DNAH12: variants seen among roughly 807,000 people sequenced by gnomAD.
DNAH12 encodes dynein axonemal heavy chain 12.
In DNAH12, 285 loss-of-function variants were observed where a neutral mutation model predicts 371.5. The observed-to-expected ratio is 0.77, with a 90% CI of 0.70 to 0.85. DNAH12 has a LOEUF of 0.85. Among genes scored for constraint, DNAH12 ranks in the 40% least tolerant of loss-of-function variants. The pLI is 0.00. For synonymous variants in DNAH12, 1,200 were observed against 1,213.0 expected, an observed-to-expected ratio of 0.99 and a Z score of 0.22; for missense variants, 3,611 against 3,689.4, an observed-to-expected ratio of 0.98 and a Z score of 0.55.
intron 60 of DNAH12, among the ~76,000 whole-genome samples, chr3:57,340,440 C>A (rs1481952490): frequency 5.3e-5 from 8 of 151,604 alleles, no homozygotes; most frequent in African/African-American, 1.9e-4. Flanking sequence ...AAAGAGAAGA[C>A]CCAAATAAAA....
At chr3:57,545,348 G>A (rs1035757685), upstream of DNAH12, among the ~76,000 whole-genome samples, 2 of 149,134 alleles carry the variant, frequency 1.3e-5, no homozygotes, top group African/African-American at 5.0e-5. Flanking sequence ...TAGTAGAGAC[G>A]GGGTTTCTCC....
rs902155403 is a variant in DNAH12 at position 57,509,861 on chromosome 3, T to TAAAAAAAAAAA, written c.470-660_470-650dup. 3.9e-3 allele frequency among the ~76,000 whole-genome samples: 182 copies of TAAAAAAAAAAA among 46,552 alleles called. 3 individuals are homozygous for TAAAAAAAAAAA. The highest frequency in any genetic ancestry group is 4.9e-3 in the Non-Finnish European group (110 of 22,362). 30.5% of individuals were successfully genotyped at this position (46,552 alleles called of 152,430 possible). On this transcript the variant is annotated intron_variant, in intron 5 of 73. Coordinates refer to ENST00000495027, the MANE Select transcript of DNAH12 (RefSeq NM_001366028.2). ...TGGGCGACAGAGTGAGACTCCATCA[T>TAAAAAAAAAAA]AAAAAAAAAAAAAAAAAAAAAAAAA...
intron 4 of DNAH12, among the ~76,000 whole-genome samples, chr3:57,516,971 C>G (rs538728110): frequency 1.3e-5 from 2 of 152,274 alleles, no homozygotes; most frequent in African/African-American, 2.4e-5. Context: ...CCCATGAGCT[C>G]AATCAGCAGC....
chr3:57,533,027 T>C (rs1049065626), intron 2 of DNAH12, among the ~76,000 whole-genome samples: 4 of 152,206 alleles, frequency 2.6e-5, no homozygotes, highest in African/African-American at 7.2e-5. Flanking sequence ...ATACTGCTGC[T>C]GGGCTAGCAC....
chr3:57,442,570 A>G (rs2065341693), intron 29 of DNAH12, among the ~76,000 whole-genome samples: 1 of 152,226 alleles, frequency 6.6e-6, no homozygotes, highest in Non-Finnish European at 1.5e-5. Flanking sequence ...CATTTTTTGA[A>G]ATCCAAAAGA....
Position 57,444,723 on chromosome 3 carries a change from T to C in DNAH12, c.4519A>G (p.Ile1507Val). 1 of 1,550,308 alleles carries C rather than the reference T, an allele frequency of 6.5e-7. No individual in the cohort carries two copies. Among genetic ancestry groups the C allele is most frequent in the East Asian group, 2.4e-5 (1 of 40,852 alleles). ...NGITSDLFPGIKLPEADYHEF... is the reference protein window; with the variant it reads ...NGITSDLFPGVKLPEADYHEF... ...TGATAGTCAGCTTCAGGAAGTTTAA[T>C]ACCAGGAAATAAGTCACTAGTTATT... is the stretch of plus-strand genomic sequence containing the variant. Residue 1507 changes from isoleucine (I) to valine (V), a missense_variant, in exon 29 of 74, where the codon ATT becomes GTT. Coordinates refer to ENST00000495027, the MANE Select transcript of DNAH12 (RefSeq NM_001366028.2).
At chr3:57,449,699 C>T (rs945146779) in intron 25 of DNAH12, among the ~76,000 whole-genome samples, 3 of 152,192 alleles carry the variant, frequency 2.0e-5, no homozygotes, top group Non-Finnish European at 4.4e-5. Flanking sequence ...AAGCGCCGCA[C>T]GCAGCCTTGG....
chr3:57,505,812 C>A (rs968628043), intron 8 of DNAH12, among the ~76,000 whole-genome samples: 1 of 152,076 alleles, frequency 6.6e-6, no homozygotes, highest in Non-Finnish European at 1.5e-5. Flanking sequence ...TCATAGTTCA[C>A]AGCAGGCTCG....
the DNAH12 span, among the ~76,000 whole-genome samples, chr3:57,550,029 C>G: frequency 6.6e-6 from 1 of 152,040 alleles, no homozygotes; most frequent in Non-Finnish European, 1.5e-5. Flanking sequence ...AACCATAAGG[C>G]CAGGCATGGT....
intron 4 of DNAH12, among the ~76,000 whole-genome samples, chr3:57,521,498 T>C (rs2068441382): frequency 6.6e-6 from 1 of 150,416 alleles, no homozygotes; most frequent in Admixed American, 6.6e-5. Flanking sequence ...CCCCTGTCTC[T>C]AAAAAAAAAG....
chr3:57,299,400 T>G (rs1170686707), intron 70 of DNAH12, among the ~76,000 whole-genome samples: 4 of 152,050 alleles, frequency 2.6e-5, no homozygotes, highest in Admixed American at 1.3e-4. Flanking sequence ...ATGAAGAAAC[T>G]GGGGTACAGA....
chr3:57,525,154 CAAAAAAAAA>C (rs5849213), intron 2 of DNAH12, among the ~76,000 whole-genome samples: 2 of 109,500 alleles, frequency 1.8e-5, no homozygotes, highest in Admixed American at 1.0e-4. Flanking sequence ...AGAGGAGAAA[CAAAAAAAAA>C]AAAAAAAAGA....
At position 57,296,983 on chromosome 3, in the gene DNAH12, T is replaced by A; in HGVS notation, c.11396A>T (p.Asp3799Val). ...DFLARLNFLQ[D>V]WYNSGKPCVF... ...ACAAGGTTTTCCTGAATTATACCAGTCCTACAAAGGGAAAACAAAACACAT... is the reference window on the plus strand; with the variant it reads ...ACAAGGTTTTCCTGAATTATACCAGACCTACAAAGGGAAAACAAAACACAT... The change falls in exon 71 of 74, where the codon GAC (aspartate) becomes GTC (valine). Residue 3799 changes from aspartate (D) to valine (V), a missense_variant and splice_region_variant. Around this residue, in one of 3 missense-constraint regions of DNAH12, gnomAD observed 2,266 missense variants for 2,236.9 expected, o/e 1.01. Coordinates refer to ENST00000495027, the MANE Select transcript of DNAH12 (RefSeq NM_001366028.2). 6.4e-7 allele frequency: 1 copy of A among 1,551,332 alleles called. No homozygotes were observed. The highest frequency in any genetic ancestry group is 8.7e-7 in the Non-Finnish European group (1 of 1,146,922).
intron 69 of DNAH12, among the ~76,000 whole-genome samples, chr3:57,307,121 C>G (rs1406606189): frequency 6.6e-6 from 1 of 152,152 alleles, no homozygotes; most frequent in Non-Finnish European, 1.5e-5. Context: ...CGGCATAATT[C>G]TCATAAAAAC....
chr3:57,353,883 C>T (rs1327397511), intron 59 of DNAH12, among the ~76,000 whole-genome samples: 2 of 152,120 alleles, frequency 1.3e-5, no homozygotes, highest in Non-Finnish European at 2.9e-5. Context: ...ATAACAGAAG[C>T]TGGTGAAGTT....
intron 11 of DNAH12, among the ~76,000 whole-genome samples, chr3:57,494,254 A>G (rs1002340652): frequency 6.6e-6 from 1 of 151,454 alleles, no homozygotes; most frequent in Non-Finnish European, 1.5e-5. Context: ...AAACAAAACA[A>G]AAATGTGTAC....
At chr3:57,368,863 TC>T (rs1388322761) in intron 55 of DNAH12, among the ~76,000 whole-genome samples, 10 of 152,254 alleles carry the variant, frequency 6.6e-5, no homozygotes, top group African/African-American at 2.2e-4. Context: ...ATGCTGACTG[TC>T]CTAGGTTTCT....
At chr3:57,344,030 T>A (rs1258694807) in intron 60 of DNAH12, among the ~76,000 whole-genome samples, 1 of 152,188 alleles carries the variant, frequency 6.6e-6, no homozygotes, top group Non-Finnish European at 1.5e-5. Context: ...AAAGTAATAA[T>A]CAATAAAAAC....
In DNAH12 at chr3:57,542,922, T is replaced by C. The variant is rs537711139; in HGVS notation, c.-33-19A>G. The C allele has an allele frequency of 6.8e-7, 1 of 1,472,178 alleles. No individual in the cohort carries two copies. The highest frequency in any genetic ancestry group is 9.0e-7 in the Non-Finnish European group (1 of 1,113,736). The allele number at this position is 1,472,178 out of a possible 1,614,324, so 91.2% of individuals were successfully genotyped here. A position where few individuals can be genotyped will look rare whatever the true frequency, so the allele number is the denominator to read the frequency against. On this transcript the variant is annotated intron_variant, in intron 1 of 73. Coordinates refer to ENST00000495027, the MANE Select transcript of DNAH12 (RefSeq NM_001366028.2). ...CTGTACTCTGAGGAGAAAAAGTCCA[T>C]AAAGCCATTATTATGTCAGCAAGCC...
Sources: gnomAD v4.1 joint callset for allele counts (sites outside exome capture counted in the v4.1 genomes callset) on GRCh38, gnomAD v4.1.1 for gene constraint, gnomAD v4.1.1 regional missense constraint, MANE v1.5 for transcripts, NCBI Gene and HGNC (gene_info 2026-07-23, HGNC 2026-07-21) for gene names.